ANKS1B: variants seen among roughly 807,000 people sequenced by gnomAD.
ANKS1B encodes the protein ankyrin repeat and sterile alpha motif domain containing 1B, also known as ankyrin repeat and sterile alpha motif domain-containing protein 1B.
Under a neutral mutation model 148.3 loss-of-function variants are expected in ANKS1B, and 36 were observed. That is an observed-to-expected ratio of 0.24 (90% confidence interval 0.19 to 0.32). The LOEUF (loss-of-function observed/expected upper bound fraction) is 0.32, where lower values mean the gene tolerates loss of function less well. Ranked by LOEUF, ANKS1B falls within the 10% of genes least tolerant of loss-of-function variation. The pLI is 1.00. For synonymous variants in ANKS1B, 542 were observed against 560.8 expected (o/e 0.97, Z 0.47); for missense variants, 1,157 against 1,542.6 (o/e 0.75, Z 4.19).
rs1315078960 is a variant in ANKS1B, at chr12:99,938,100, C to T, written c.134+46004G>A. Among the ~76,000 whole-genome samples the T allele has an allele frequency of 2.0e-5, 3 of 152,238 alleles. No individual in the cohort carries two copies. The East Asian group carries it at 5.8e-4, about 29-fold the overall frequency. ...AAAAGAATAAGCAAAGGTGACACGA[C>T]AGATGGGATACATGTACATGACTAT... On this transcript the variant is annotated intron_variant, in intron 1 of 26. Transcript: ENST00000683438.
At chr12:99,920,786 C>A (rs1443660801) in intron 1 of ANKS1B, among the ~76,000 whole-genome samples, 1 of 152,120 alleles carries the variant, frequency 6.6e-6, no homozygotes, top group Admixed American at 6.5e-5. Flanking sequence ...AAGAACAGAA[C>A]AAATTTGCCC....
intron 10 of ANKS1B, among the ~76,000 whole-genome samples, chr12:99,474,855 A>G (rs1270112081): frequency 6.6e-6 from 1 of 152,086 alleles, no homozygotes; most frequent in Admixed American, 6.6e-5. Context: ...AAAGTGGGAA[A>G]TTAAATAATT....
chr12:98,958,798 G>C (rs1283084829), intron 17 of ANKS1B, among the ~76,000 whole-genome samples: 1 of 152,180 alleles, frequency 6.6e-6, no homozygotes, highest in Non-Finnish European at 1.5e-5. Context: ...AGAGATGCCT[G>C]TTCTGTTATT....
chr12:98,986,728 C>G (rs2099923644), intron 17 of ANKS1B, among the ~76,000 whole-genome samples: 2 of 152,170 alleles, frequency 1.3e-5, no homozygotes, highest in African/African-American at 4.8e-5. Flanking sequence ...TATCCTTCCA[C>G]TTCAGCCTCT....
At chr12:99,958,787 G>C (rs770917481) in intron 1 of ANKS1B, among the ~76,000 whole-genome samples, 18 of 152,194 alleles carry the variant, frequency 1.2e-4, no homozygotes, top group Non-Finnish European at 2.2e-4. Flanking sequence ...TGAGTGGACA[G>C]AAGTAGTAAG....
chr12:99,079,249 T>C (rs1467599087), intron 16 of ANKS1B, among the ~76,000 whole-genome samples: 2 of 152,174 alleles, frequency 1.3e-5, no homozygotes, highest in African/African-American at 2.4e-5. Flanking sequence ...AAATTTGGGG[T>C]AATTTGTTCT....
intron 1 of ANKS1B, among the ~76,000 whole-genome samples, chr12:99,949,280 A>G (rs1365601346): frequency 6.6e-6 from 1 of 152,124 alleles, no homozygotes; most frequent in African/African-American, 2.4e-5. Flanking sequence ...TTCTTAGGGA[A>G]GCAGTTATTT....
intron 12 of ANKS1B, among the ~76,000 whole-genome samples, chr12:99,335,432 T>C (rs1343951567): frequency 1.3e-5 from 2 of 151,568 alleles, no homozygotes; most frequent in East Asian, 1.9e-4. Flanking sequence ...TGTTTTGCTA[T>C]CAAATACTAG....
At chr12:99,438,209 T>C (rs2095492892) in intron 11 of ANKS1B, among the ~76,000 whole-genome samples, 1 of 151,892 alleles carries the variant, frequency 6.6e-6, no homozygotes, top group Non-Finnish European at 1.5e-5. Context: ...TCCTCACCTA[T>C]AAAATGAAAA....
At chr12:99,697,728 AAACAATG>A (rs1208572382) in intron 8 of ANKS1B, among the ~76,000 whole-genome samples, 2 of 152,176 alleles carry the variant, frequency 1.3e-5, no homozygotes, top group Non-Finnish European at 2.9e-5. Flanking sequence ...AACCCTATAT[AAACAATG>A]AACTTTAGTT....
chr12:98,754,285 G>A (rs1322964277), intron 25 of ANKS1B, among the ~76,000 whole-genome samples: 1 of 152,214 alleles, frequency 6.6e-6, no homozygotes, highest in African/African-American at 2.4e-5. Flanking sequence ...TAGTGGAGGA[G>A]GTCTGGGAGA....
chr12:98,875,987 A>C (rs574345287), intron 17 of ANKS1B, among the ~76,000 whole-genome samples: 1 of 152,330 alleles, frequency 6.6e-6, no homozygotes, highest in African/African-American at 2.4e-5. Flanking sequence ...AGTTTAGATC[A>C]GACCCTGCAG....
At chr12:99,411,523 G>A (rs1419511045) in intron 11 of ANKS1B, among the ~76,000 whole-genome samples, 1 of 152,108 alleles carries the variant, frequency 6.6e-6, no homozygotes, top group African/African-American at 2.4e-5. Context: ...TATGAGTGCA[G>A]GTGTTTTTTG....
At chr12:99,145,168 G>T (rs1200968445) in intron 15 of ANKS1B, among the ~76,000 whole-genome samples, 1 of 152,116 alleles carries the variant, frequency 6.6e-6, no homozygotes, top group East Asian at 1.9e-4. Context: ...AAGGACAGTT[G>T]AGTATTACCA....
intron 7 of ANKS1B, among the ~76,000 whole-genome samples, chr12:99,774,369 G>A (rs959750195): frequency 6.6e-6 from 1 of 151,998 alleles, no homozygotes; most frequent in African/African-American, 2.4e-5. Flanking sequence ...ATGACCCAAG[G>A]TATATGAAAA....
intron 17 of ANKS1B, among the ~76,000 whole-genome samples, chr12:98,880,746 C>A (rs181194051): frequency 0.012 from 1,747 of 151,746 alleles, 34 homozygotes; most frequent in African/African-American, 0.04. Flanking sequence ...CCAGCCTGGG[C>A]GACACAGCGA....
intron 8 of ANKS1B, among the ~76,000 whole-genome samples, chr12:99,673,083 G>A (rs894731866): frequency 1.3e-5 from 2 of 151,894 alleles, no homozygotes; most frequent in Admixed American, 1.3e-4. Context: ...AAGAAATCAA[G>A]AACACTGATC....
rs373790345 is a variant in ANKS1B, at chr12:99,246,505, C to T, written c.2116G>A (p.Ala706Thr). 6.8e-6 allele frequency: 11 copies of T among 1,613,872 alleles called. No individual in the cohort carries two copies. Among genetic ancestry groups the T allele is most frequent in the East Asian group, 2.2e-5 (1 of 44,868 alleles). Residue 706 changes from alanine to threonine, a missense_variant, in exon 13 of 27, where the codon GCA (alanine) becomes ACA (threonine). Coordinates refer to ENST00000683438, the MANE Select transcript of ANKS1B (RefSeq NM_001352186.2). ...SRNGDQWVMN[A>T]GGFVERACTL... is the part of the protein sequence containing the mutation. ...CAGGCTCTCTCCACAAATCCCCCTG[C>T]GTTCATAACCCACTGGTCCCCATTC...
chr12:99,887,100 T>A (rs980150807), intron 1 of ANKS1B, among the ~76,000 whole-genome samples: 6 of 152,242 alleles, frequency 3.9e-5, no homozygotes, highest in Admixed American at 1.3e-4. Flanking sequence ...GGTATTAATA[T>A]CCCACCCTCC....
Sources: gnomAD v4.1 joint callset for allele counts (sites outside exome capture counted in the v4.1 genomes callset) on GRCh38, gnomAD v4.1.1 for gene constraint, MANE v1.5 for transcripts, NCBI Gene and HGNC (gene_info 2026-07-23, HGNC 2026-07-21) for gene names.